UGT2B17: variants seen among roughly 807,000 people sequenced by gnomAD.
UGT2B17 encodes the protein UDP glucuronosyltransferase family 2 member B17.
A neutral mutation model predicts 48.2 loss-of-function variants in UGT2B17; 21 were observed. The observed-to-expected ratio is 0.44, with a 90% CI of 0.31 to 0.63. The LOEUF (loss-of-function observed/expected upper bound fraction) is 0.63, where lower values mean the gene tolerates loss of function less well. Ranked by LOEUF, UGT2B17 falls within the 20% of genes least tolerant of loss-of-function variation. The probability of loss-of-function intolerance (pLI) is 0.08; values close to 1 mark genes in which losing one functional copy is unlikely to be tolerated. For synonymous variants in UGT2B17, 146 were observed against 238.4 expected (o/e 0.61, Z 3.57); for missense variants, 402 against 696.1 (o/e 0.58, Z 4.75).
intron 6 of UGT2B17, among the ~76,000 whole-genome samples, chr4:68,544,856 A>C (rs1255890814): frequency 7.9e-6 from 1 of 126,314 alleles, no homozygotes; most frequent in African/African-American, 2.7e-5. Context: ...GCCATTACAT[A>C]ATGGTAAAGG....
chr4:68,553,112 A>T (rs75550941), intron 4 of UGT2B17, among the ~76,000 whole-genome samples: 7,345 of 125,270 alleles, frequency 0.059, 1,804 homozygotes, highest in African/African-American at 0.17. Context: ...GTGCTTAATG[A>T]TCACATTTTT....
rs577798633 is a variant in UGT2B17 at position 68,575,991 on chromosome 4, C to T, written c.-105G>A. On this transcript the variant is annotated 5_prime_UTR_variant, in exon 1 of 7. Coordinates refer to ENST00000317746, the MANE Select transcript of UGT2B17 (RefSeq NM_001077.4). Reference sequence around the variant, plus strand: ...CAGACTCCAAGTGCCAGTTCCTTCCCGGTGTTCAGCCACTGTGTTAATCCT... The same window carrying T: ...CAGACTCCAAGTGCCAGTTCCTTCCTGGTGTTCAGCCACTGTGTTAATCCT... Among the ~76,000 whole-genome samples the T allele has an allele frequency of 1.5e-3, 195 of 126,606 alleles. 52 individuals carry two copies. Among genetic ancestry groups the T allele is most frequent in the Non-Finnish European group, 2.5e-3 (152 of 59,630 alleles). 83.1% of individuals were successfully genotyped at this position (126,606 alleles called of 152,430 possible). A position where few individuals can be genotyped will look rare whatever the true frequency, so the allele number is the denominator to read the frequency against.
chr4:68,565,463 T>A, intron 3 of UGT2B17, 109 bp downstream of exon 3: 1 of 1,018,164 alleles, frequency 9.8e-7, no homozygotes, highest in Non-Finnish European at 1.3e-6. Context: ...AGTCCTTTTT[T>A]TTGACCTCCC....
chr4:68,575,167 C>T lies in UGT2B17; in HGVS notation c.-65+784G>A, dbSNP rs1490764542. Among the ~76,000 whole-genome samples, 3 of 111,042 alleles carry T rather than the reference C, an allele frequency of 2.7e-5. 1 individual carries two copies. Among genetic ancestry groups the T allele is most frequent in the Non-Finnish European group, 5.3e-5 (3 of 56,252 alleles). 72.8% of individuals were successfully genotyped at this position (111,042 alleles called of 152,430 possible). The stretch of plus-strand genomic sequence containing the variant: ...TAAGACCTTGTTTAGTCTAAATTTA[C>T]TTAGAATTGGTATAGATGGCCTTTT... On this transcript the variant is annotated intron_variant, in intron 1 of 6. Coordinates refer to ENST00000317746, the MANE Select transcript of UGT2B17 (RefSeq NM_001077.4).
chr4:68,553,129 AT>A (rs1163299147), intron 4 of UGT2B17, among the ~76,000 whole-genome samples: 2 of 124,590 alleles, frequency 1.6e-5, no homozygotes, highest in Non-Finnish European at 1.7e-5. Flanking sequence ...TTTTGGGAGT[AT>A]TTTTTTTGTA....
intron 1 of UGT2B17, among the ~76,000 whole-genome samples, chr4:68,570,269 G>A (rs1352018214): frequency 7.9e-6 from 1 of 127,226 alleles, no homozygotes; most frequent in Non-Finnish European, 1.7e-5. Flanking sequence ...GCAAGCAGTG[G>A]GTATGTGACA....
rs371176434 is a variant in UGT2B17, at chr4:68,558,174, G to A, written c.1005+2363C>T. Among the ~76,000 whole-genome samples, 839 of 104,622 alleles carry A rather than the reference G, an allele frequency of 8.0e-3. 2 individuals carry two copies. The highest frequency in any genetic ancestry group is 0.031 in the East Asian group (27 of 870). 68.6% of individuals were successfully genotyped at this position (104,622 alleles called of 152,430 possible). On this transcript the variant is annotated intron_variant, in intron 4 of 6. Coordinates refer to ENST00000317746, the MANE Select transcript of UGT2B17 (RefSeq NM_001077.4). ...AAGCAAATCAGTTGTACCATGGTTT[G>A]TCTTTAGTAAAATTGGGAAACTGAA...
intron 6 of UGT2B17, among the ~76,000 whole-genome samples, chr4:68,546,142 A>G (rs1560575573): frequency 7.9e-6 from 1 of 126,220 alleles, no homozygotes; most frequent in African/African-American, 2.7e-5. Context: ...TTGTAGACCA[A>G]TATCCCTGAT....
At position 68,564,294 on chromosome 4, in the gene UGT2B17, A is replaced by ATTTTTT. The variant is rs1182011820; in HGVS notation, c.873+1272_873+1277dup. Among the ~76,000 whole-genome samples the ATTTTTT allele has an allele frequency of 2.1e-4, 16 of 75,762 alleles. 2 individuals carry two copies. The highest frequency in any genetic ancestry group is 7.6e-4 in the African/African-American group (15 of 19,708). 49.7% of individuals were successfully genotyped at this position (75,762 alleles called of 152,430 possible). ...ATTTCATATATATATATATATATAT[A>ATTTTTT]TTTTTTTTTTTTGAGACAGAGTCTC... On this transcript the variant is annotated intron_variant, in intron 3 of 6. Transcript: ENST00000317746.
chr4:68,561,088 T>C (rs571696993), intron 3 of UGT2B17, among the ~76,000 whole-genome samples: 1 of 125,220 alleles, frequency 8.0e-6, no homozygotes, highest in African/African-American at 2.7e-5. Context: ...TGGGGTCATT[T>C]TATTTTATTT....
chr4:68,562,841 C>T lies in UGT2B17; in HGVS notation c.874-2173G>A, dbSNP rs538520854. On this transcript the variant is annotated intron_variant, in intron 3 of 6. Coordinates refer to ENST00000317746, the MANE Select transcript of UGT2B17 (RefSeq NM_001077.4). ...TTTCTCATTGTATATGCCTTTTTATCCTACAAAAAAATTGTGATCTTGTTC... is the reference window on the plus strand; with the variant it reads ...TTTCTCATTGTATATGCCTTTTTATTCTACAAAAAAATTGTGATCTTGTTC... 8.0e-5 allele frequency among the ~76,000 whole-genome samples: 10 copies of T among 125,546 alleles called. 2 individuals carry two copies. The highest frequency in any genetic ancestry group is 7.6e-4 in the East Asian group (1 of 1,308). The allele number at this position is 125,546 out of a possible 152,430, so 82.4% of individuals were successfully genotyped here. A position where few individuals can be genotyped will look rare whatever the true frequency, so the allele number is the denominator to read the frequency against.
At position 68,551,746 on chromosome 4, in the gene UGT2B17, G is replaced by A. The variant is rs1452040069; in HGVS notation, c.1093+78C>T. On this transcript the variant is annotated intron_variant, in intron 5 of 6. Transcript: ENST00000317746. ...TTTTCCAATAATAAATGTTAAATAT[G>A]TTTGTTTTATGTTGAAATATTATCA... is the stretch of plus-strand genomic sequence containing the variant. 40 of 958,206 alleles carry A rather than the reference G, an allele frequency of 4.2e-5. 6 individuals are homozygous for A. The highest frequency in any genetic ancestry group is 1.5e-4 in the Admixed American group (5 of 33,912). 59.4% of individuals were successfully genotyped at this position (958,206 alleles called of 1,614,324 possible).
chr4:68,571,479 C>G (rs1382985098), intron 1 of UGT2B17, among the ~76,000 whole-genome samples: 3 of 126,658 alleles, frequency 2.4e-5, no homozygotes, highest in African/African-American at 8.1e-5. Context: ...GGATTTCTTT[C>G]TGTGTAATTG....
intron 4 of UGT2B17, among the ~76,000 whole-genome samples, chr4:68,557,838 C>T (rs1186454930): frequency 8.0e-6 from 1 of 124,512 alleles, no homozygotes; most frequent in Non-Finnish European, 1.7e-5. Context: ...AATAAAACCC[C>T]TTGGGAAAAC....
intron 1 of UGT2B17, among the ~76,000 whole-genome samples, chr4:68,571,218 C>A (rs1321311665): frequency 8.0e-6 from 1 of 124,812 alleles, no homozygotes; most frequent in African/African-American, 2.8e-5. Flanking sequence ...ATCATCTTTT[C>A]CTATGGCTAT....
chr4:68,567,945 T>G lies in UGT2B17; in HGVS notation c.540A>C (p.Thr180=). 1 of 1,380,774 alleles carries G rather than the reference T, an allele frequency of 7.2e-7. No homozygotes were observed. Among genetic ancestry groups the G allele is most frequent in the Non-Finnish European group, 9.5e-7 (1 of 1,054,992 alleles). 85.5% of individuals were successfully genotyped at this position (1,380,774 alleles called of 1,614,324 possible). A position where few individuals can be genotyped will look rare whatever the true frequency, so the allele number is the denominator to read the frequency against. Reference sequence around the variant, plus strand: ...GAAATCCTCCACCATTCTTCTCAACTGTGTAGCCAACAGAGAAGCGGAGAC... The same window carrying G: ...GAAATCCTCCACCATTCTTCTCAACGGTGTAGCCAACAGAGAAGCGGAGAC... The part of the protein sequence containing the change: ...LYSLRFSVGY[T]VEKNGGGFLF... The change falls in exon 2 of 7, where the codon ACA becomes ACC. Residue 180 remains threonine, a synonymous_variant. Coordinates refer to ENST00000317746, the MANE Select transcript of UGT2B17 (RefSeq NM_001077.4).
Position 68,566,163 on chromosome 4 carries a change from A to C in UGT2B17, c.725-443T>G, listed in dbSNP as rs527995118. ...ATAGTTTTAATTTAATATTTAAATT[A>C]TTTAATAAAATAATTTAATATAATG... is the stretch of plus-strand genomic sequence containing the variant. On this transcript the variant is annotated intron_variant, in intron 2 of 6. Coordinates refer to ENST00000317746, the MANE Select transcript of UGT2B17 (RefSeq NM_001077.4). Among the ~76,000 whole-genome samples the C allele has an allele frequency of 9.3e-5, 11 of 118,642 alleles. 3 individuals are homozygous for C. Among genetic ancestry groups the C allele is most frequent in the Non-Finnish European group, 1.9e-4 (11 of 58,038 alleles). The allele number at this position is 118,642 out of a possible 152,430, so 77.8% of individuals were successfully genotyped here.
rs531000294 is a variant in UGT2B17, at chr4:68,567,795, C to G, written c.690G>C (p.Leu230=). ...CACTATAAAACTGGTCCCACTTCTTCAGATCATATGCTTGAAACCAAAAGT... is the reference window on the plus strand; with the variant it reads ...CACTATAAAACTGGTCCCACTTCTTGAGATCATATGCTTGAAACCAAAAGT... ...YFDFWFQAYD[L]KKWDQFYSEV... The change falls in exon 2 of 7, where the codon CTG becomes CTC. Residue 230 remains leucine, a synonymous_variant. Transcript: ENST00000317746. 1.8e-5 allele frequency: 25 copies of G among 1,358,814 alleles called. 9 individuals are homozygous for G. In the South Asian group the frequency reaches 3.8e-4, roughly 21 times the overall value. 84.2% of individuals were successfully genotyped at this position (1,358,814 alleles called of 1,614,324 possible).
At position 68,540,087 on chromosome 4, in the gene UGT2B17, C is replaced by T. The variant is rs1279419909; in HGVS notation, c.1314-2183G>A. Among the ~76,000 whole-genome samples, 5 of 124,026 alleles carry T rather than the reference C, an allele frequency of 4.0e-5. 1 individual carries two copies. Among genetic ancestry groups the T allele is most frequent in the Middle Eastern group, 3.8e-3 (1 of 264 alleles). 81.4% of individuals were successfully genotyped at this position (124,026 alleles called of 152,430 possible). On this transcript the variant is annotated intron_variant, in intron 6 of 6. Coordinates refer to ENST00000317746, the MANE Select transcript of UGT2B17 (RefSeq NM_001077.4). The stretch of plus-strand genomic sequence containing the variant: ...AGGTGTGAGCCACCACACCCAGTCT[C>T]CATAAACTCTTTTAAAAATGTTTAT...
Sources: gnomAD v4.1 joint callset for allele counts (sites outside exome capture counted in the v4.1 genomes callset) on GRCh38, gnomAD v4.1.1 for gene constraint, MANE v1.5 for transcripts, NCBI Gene and HGNC (gene_info 2026-07-23, HGNC 2026-07-21) for gene names.